The following ST6GALNAC5 variants were observed in gnomAD, a reference collection of about 807,000 sequenced individuals.
ST6GALNAC5 encodes the protein alpha-N-acetylgalactosaminide alpha-2,6-sialyltransferase 5.
ST6GALNAC5 carries 27 observed loss-of-function variants against 33.6 expected under a neutral mutation model. The observed-to-expected ratio is 0.80, with a 90% CI of 0.59 to 1.11. ST6GALNAC5 has a LOEUF of 1.11. Among genes scored for constraint, ST6GALNAC5 ranks in the 50% least tolerant of loss-of-function variants. The probability of loss-of-function intolerance (pLI) is 0.00; values close to 1 mark genes in which losing one functional copy is unlikely to be tolerated. For missense variants in ST6GALNAC5, 428 were observed against 454.0 expected (o/e 0.94, Z 0.52); for synonymous variants, 194 against 171.2 (o/e 1.13, Z -1.04).
At chr1:76,869,892 G>A (rs1653459992) in intron 2 of ST6GALNAC5, among the ~76,000 whole-genome samples, 2 of 151,052 alleles carry the variant, frequency 1.3e-5, no homozygotes, top group Non-Finnish European at 3.0e-5. Flanking sequence ...AGATAAAAAT[G>A]TGTAATAAAT....
At chr1:76,984,562 T>C (rs1649400670) in intron 2 of ST6GALNAC5, among the ~76,000 whole-genome samples, 1 of 152,170 alleles carries the variant, frequency 6.6e-6, no homozygotes, top group African/African-American at 2.4e-5. Flanking sequence ...CCAGAAGGAT[T>C]CACAGCCAAA....
chr1:77,036,798 C>A (rs1276919204), intron 2 of ST6GALNAC5, among the ~76,000 whole-genome samples: 1 of 152,246 alleles, frequency 6.6e-6, no homozygotes, highest in Non-Finnish European at 1.5e-5. Context: ...GTGTGAATAA[C>A]ACAAAGTCCC....
At chr1:76,948,617 G>A (rs988486233) in intron 2 of ST6GALNAC5, among the ~76,000 whole-genome samples, 5 of 140,926 alleles carry the variant, frequency 3.5e-5, no homozygotes, top group Non-Finnish European at 7.7e-5. Flanking sequence ...GAGAGAGAGA[G>A]AGAGAGAGAA....
At chr1:76,980,892 G>A (rs565462967) in intron 2 of ST6GALNAC5, among the ~76,000 whole-genome samples, 2 of 152,192 alleles carry the variant, frequency 1.3e-5, no homozygotes, top group East Asian at 3.9e-4. Context: ...AATTAAAAAC[G>A]TTTTTCCTTC....
At chr1:76,967,886 G>T (rs563759306) in intron 2 of ST6GALNAC5, among the ~76,000 whole-genome samples, 1 of 152,162 alleles carries the variant, frequency 6.6e-6, no homozygotes, top group African/African-American at 2.4e-5. Context: ...ATGTAGTTGT[G>T]CGGTTTTGAG....
intron 2 of ST6GALNAC5, among the ~76,000 whole-genome samples, chr1:76,992,964 C>A (rs554916905): frequency 6.6e-6 from 1 of 152,182 alleles, no homozygotes; most frequent in African/African-American, 2.4e-5. Context: ...TACCTCCTAT[C>A]TACAGGACTA....
At chr1:77,001,901 A>G (rs935000117) in intron 2 of ST6GALNAC5, among the ~76,000 whole-genome samples, 2 of 152,014 alleles carry the variant, frequency 1.3e-5, no homozygotes, top group African/African-American at 4.8e-5. Flanking sequence ...CCAGTATTTT[A>G]TTGAGGATTT....
chr1:77,024,798 G>A (rs977998333), intron 2 of ST6GALNAC5, among the ~76,000 whole-genome samples: 2 of 152,320 alleles, frequency 1.3e-5, no homozygotes, highest in South Asian at 2.1e-4. Context: ...CCACAGTCCT[G>A]CTCTGGAGCA....
intron 2 of ST6GALNAC5, among the ~76,000 whole-genome samples, chr1:76,888,975 C>T (rs937314315): frequency 6.6e-6 from 1 of 151,968 alleles, no homozygotes; most frequent in African/African-American, 2.4e-5. Context: ...TTGTGATTAA[C>T]TATAATCACT....
intron 2 of ST6GALNAC5, among the ~76,000 whole-genome samples, chr1:77,032,266 G>A (rs1017328272): frequency 2.0e-5 from 3 of 152,102 alleles, no homozygotes; most frequent in African/African-American, 7.2e-5. Context: ...GATACAGAGG[G>A]ACTTGCCAAG....
chr1:77,019,537 A>G (rs1650976500), intron 2 of ST6GALNAC5, among the ~76,000 whole-genome samples: 1 of 152,196 alleles, frequency 6.6e-6, no homozygotes, highest in African/African-American at 2.4e-5. Flanking sequence ...AAGTTCCCCA[A>G]ACTATCTGGA....
chr1:77,052,703 G>C (rs1652263661), intron 4 of ST6GALNAC5, among the ~76,000 whole-genome samples: 1 of 151,814 alleles, frequency 6.6e-6, no homozygotes, highest in African/African-American at 2.4e-5. Context: ...CAAATTGCTT[G>C]AGCTCAGGAG....
intron 2 of ST6GALNAC5, among the ~76,000 whole-genome samples, chr1:76,946,560 T>C (rs973734608): frequency 8.5e-5 from 13 of 152,078 alleles, no homozygotes; most frequent in Admixed American, 2.6e-4. Flanking sequence ...TTATTGAACA[T>C]GCTAATACAA....
At chr1:76,966,195 T>A (rs539646292) in intron 2 of ST6GALNAC5, among the ~76,000 whole-genome samples, 1 of 152,192 alleles carries the variant, frequency 6.6e-6, no homozygotes, top group South Asian at 2.1e-4. Context: ...CCTTGGGCAA[T>A]ATGGCCATTT....
chr1:76,986,434 T>C (rs1158998154), intron 2 of ST6GALNAC5, among the ~76,000 whole-genome samples: 1 of 152,104 alleles, frequency 6.6e-6, no homozygotes, highest in Non-Finnish European at 1.5e-5. Flanking sequence ...CACTGGTTAT[T>C]AGAGAAATGC....
intron 2 of ST6GALNAC5, among the ~76,000 whole-genome samples, chr1:76,998,342 G>A (rs1435215517): frequency 6.6e-6 from 1 of 152,102 alleles, no homozygotes; most frequent in Non-Finnish European, 1.5e-5. Flanking sequence ...GTTACAGTGA[G>A]CTATGATTGT....
At chr1:77,055,748 T>C (rs1431396390) in intron 4 of ST6GALNAC5, among the ~76,000 whole-genome samples, 1 of 152,232 alleles carries the variant, frequency 6.6e-6, no homozygotes, top group Non-Finnish European at 1.5e-5. Context: ...CCCATCTCAC[T>C]GATTGGTTTG....
At chr1:76,907,309 G>A (rs910921606) in intron 2 of ST6GALNAC5, among the ~76,000 whole-genome samples, 1 of 151,824 alleles carries the variant, frequency 6.6e-6, no homozygotes, top group Non-Finnish European at 1.5e-5. Context: ...TACTACTCTC[G>A]CTGATGTGAA....
At chr1:76,985,278 C>T (rs1156231314) in intron 2 of ST6GALNAC5, among the ~76,000 whole-genome samples, 2 of 152,142 alleles carry the variant, frequency 1.3e-5, no homozygotes, top group African/African-American at 4.8e-5. Flanking sequence ...ATCATGTCAG[C>T]CCAAATCTCC....
Sources: gnomAD v4.1 joint callset for allele counts (sites outside exome capture counted in the v4.1 genomes callset) on GRCh38, gnomAD v4.1.1 for gene constraint, MANE v1.5 for transcripts, NCBI Gene and HGNC (gene_info 2026-07-23, HGNC 2026-07-21) for gene names.